RSF1: variants seen among roughly 807,000 people sequenced by gnomAD.
RSF1 encodes the protein remodeling and spacing factor 1.
Under a neutral mutation model 145.2 loss-of-function variants are expected in RSF1, and 13 were observed. The ratio of observed to expected loss-of-function variants is 0.09; its 90% confidence interval spans 0.06 to 0.14. The LOEUF is 0.14. Among genes scored for constraint, RSF1 ranks in the 10% least tolerant of loss-of-function variants. The pLI is 1.00. For missense variants in RSF1, 1,517 were observed against 1,718.2 expected, an observed-to-expected ratio of 0.88 and a Z score of 2.07; for synonymous variants, 577 against 592.6, an observed-to-expected ratio of 0.97 and a Z score of 0.38.
chr11:77,826,701 C>T, the RSF1 span, among the ~76,000 whole-genome samples: 2 of 152,138 alleles, frequency 1.3e-5, no homozygotes, highest in Admixed American at 1.3e-4. Context: ...AACTGTATGC[C>T]TGCAAATCAG....
chr11:77,729,094 A>G (rs1432854651), intron 4 of RSF1, among the ~76,000 whole-genome samples: 2 of 152,202 alleles, frequency 1.3e-5, no homozygotes, highest in African/African-American at 4.8e-5. Flanking sequence ...CACTCTCTGT[A>G]GTCCCACTCT....
At chr11:77,699,781 T>G (rs1960369116) in intron 6 of RSF1, among the ~76,000 whole-genome samples, 1 of 152,218 alleles carries the variant, frequency 6.6e-6, no homozygotes, top group African/African-American at 2.4e-5. Context: ...AAATACTCAC[T>G]CATGTCCAAA....
At chr11:77,744,379 C>A (rs534393590) in intron 3 of RSF1, among the ~76,000 whole-genome samples, 3 of 152,176 alleles carry the variant, frequency 2.0e-5, no homozygotes, top group Admixed American at 2.0e-4. Context: ...GGCTGAAGTG[C>A]AGTGGCACGA....
the RSF1 span, among the ~76,000 whole-genome samples, chr11:77,852,887 C>T: frequency 1.3e-5 from 2 of 151,846 alleles, no homozygotes; most frequent in East Asian, 3.9e-4. Context: ...TCTTTTTTAC[C>T]ACTGTATAGT....
chr11:77,790,423 G>C (rs1389348931), intron 1 of RSF1, among the ~76,000 whole-genome samples: 1 of 152,104 alleles, frequency 6.6e-6, no homozygotes, highest in African/African-American at 2.4e-5. Flanking sequence ...GATGAGATCT[G>C]GGTGGGGACA....
rs372523129 is a variant in RSF1, at chr11:77,685,094, C to A, written c.2955+11G>T. The A allele has an allele frequency of 2.0e-6, 3 of 1,499,418 alleles. No individual in the cohort carries two copies. The highest frequency in any genetic ancestry group is 2.7e-6 in the Non-Finnish European group (3 of 1,108,994). 92.9% of individuals were successfully genotyped at this position (1,499,418 alleles called of 1,614,324 possible). ...TCTCCCATTTAAAAACATTACAAAT[C>A]AGAAACTTACTTGTGGAGGAATGAT... On this transcript the variant is annotated intron_variant, in intron 10 of 15. Transcript: ENST00000308488.
chr11:77,826,499 C>T, the RSF1 span, among the ~76,000 whole-genome samples: 29 of 152,122 alleles, frequency 1.9e-4, no homozygotes, highest in African/African-American at 7.0e-4. Context: ...TACAGCAAGG[C>T]CTGATATTCA....
intron 2 of RSF1, among the ~76,000 whole-genome samples, chr11:77,748,838 T>C (rs1948030534): frequency 6.6e-6 from 1 of 152,212 alleles, no homozygotes; most frequent in Admixed American, 6.5e-5. Flanking sequence ...GAGGAAAACG[T>C]ACGTCTACAC....
intron 4 of RSF1, chr11:77,734,651 T>A: frequency 6.9e-7 from 1 of 1,458,512 alleles, no homozygotes; most frequent in South Asian, 1.1e-5. Context: ...TGGGGGTCAT[T>A]TTTGTCAGTG....
At chr11:77,686,536 G>A (rs1439320785) in intron 9 of RSF1, among the ~76,000 whole-genome samples, 2 of 150,526 alleles carry the variant, frequency 1.3e-5, no homozygotes, top group African/African-American at 4.9e-5. Flanking sequence ...TAATCATTCT[G>A]TCTCTCTCTG....
At chr11:77,838,883 T>C in the RSF1 span, among the ~76,000 whole-genome samples, 1 of 152,312 alleles carries the variant, frequency 6.6e-6, no homozygotes, top group Non-Finnish European at 1.5e-5. Flanking sequence ...CCCAAAGTGC[T>C]GGGATTACAG....
In RSF1 at chr11:77,698,464, C is replaced by T. The variant is rs1307551247; in HGVS notation, c.2715+23G>A. ...TCACCATGTCTGTAATATGAGTATT[C>T]TTCATTTACATCAGGTACATACTAG... On this transcript the variant is annotated intron_variant, in intron 7 of 15. Coordinates refer to ENST00000308488, the MANE Select transcript of RSF1 (RefSeq NM_016578.4). 3.1e-6 allele frequency: 5 copies of T among 1,605,076 alleles called. No individual in the cohort carries two copies. The Admixed American group carries it at 8.3e-5, about 27-fold the overall frequency.
At chr11:77,737,186 A>C (rs886409328) in intron 4 of RSF1, among the ~76,000 whole-genome samples, 3 of 152,188 alleles carry the variant, frequency 2.0e-5, no homozygotes, top group Admixed American at 2.0e-4. Context: ...GGTGGTTCAC[A>C]CCTGTAATCC....
At chr11:77,788,321 C>A (rs1400406867) in intron 1 of RSF1, among the ~76,000 whole-genome samples, 2 of 149,508 alleles carry the variant, frequency 1.3e-5, no homozygotes, top group African/African-American at 4.9e-5. Flanking sequence ...TAGAAAAAGA[C>A]ATGAAAAGTT....
the RSF1 span, among the ~76,000 whole-genome samples, chr11:77,861,456 C>T: frequency 6.6e-6 from 1 of 152,124 alleles, no homozygotes; most frequent in South Asian, 2.1e-4. Flanking sequence ...AACCTCCTGG[C>T]CCTCAATGGT....
At chr11:77,832,984 TG>T in the RSF1 span, among the ~76,000 whole-genome samples, 1 of 69,136 alleles carries the variant, frequency 1.4e-5, no homozygotes, top group Non-Finnish European at 2.7e-5. Flanking sequence ...TGTGTGTGTG[TG>T]TGTGTGTGTG....
At chr11:77,771,244 ACT>A (rs1288788152) in intron 1 of RSF1, among the ~76,000 whole-genome samples, 5 of 152,132 alleles carry the variant, frequency 3.3e-5, no homozygotes, top group African/African-American at 4.8e-5. Flanking sequence ...AGACTAGTAC[ACT>A]CTTCACCTAG....
At chr11:77,732,086 G>A (rs1961219924) in intron 4 of RSF1, among the ~76,000 whole-genome samples, 1 of 152,178 alleles carries the variant, frequency 6.6e-6, no homozygotes, top group Admixed American at 6.5e-5. Flanking sequence ...CAGCCAGGAG[G>A]GAGGCTGTAC....
chr11:77,730,318 C>G (rs1330007142), intron 4 of RSF1, among the ~76,000 whole-genome samples: 1 of 152,102 alleles, frequency 6.6e-6, no homozygotes, highest in African/African-American at 2.4e-5. Flanking sequence ...ACTGTATATA[C>G]TATTTCAAAT....
Sources: gnomAD v4.1 joint callset for allele counts (sites outside exome capture counted in the v4.1 genomes callset) on GRCh38, gnomAD v4.1.1 for gene constraint, MANE v1.5 for transcripts, NCBI Gene and HGNC (gene_info 2026-07-23, HGNC 2026-07-21) for gene names.